The following ACSM3 variants were observed in gnomAD, a reference collection of about 807,000 sequenced individuals.
ACSM3 encodes the protein acyl-CoA synthetase medium chain family member 3, also known as acyl-coenzyme A synthetase ACSM3, mitochondrial.
ACSM3 carries 61 observed loss-of-function variants against 74.1 expected under a neutral mutation model. The ratio of observed to expected loss-of-function variants is 0.82; its 90% CI spans 0.67 to 1.02. ACSM3 has a LOEUF of 1.02. ACSM3 is among the 50% of genes least tolerant of loss of function. The pLI is 0.00. For synonymous variants in ACSM3, 213 were observed against 241.5 expected (o/e 0.88, Z 1.09); for missense variants, 660 against 697.0 (o/e 0.95, Z 0.60).
Position 20,775,888 on chromosome 16 carries a change from G to A in ACSM3, c.269G>A (p.Gly90Glu). 6 of 1,614,134 alleles carry A rather than the reference G, an allele frequency of 3.7e-6. No individual in the cohort carries two copies. The highest frequency in any genetic ancestry group is 5.1e-6 in the Non-Finnish European group (6 of 1,180,026). Residue 90 changes from glycine to glutamate, a missense_variant, in exon 3 of 14, where the codon GGA (glycine) becomes GAA (glutamate). Physicochemically the swap from Gly to Glu is moderately conservative, Grantham distance 98. Transcript: ENST00000289416. ...NPAFWWINRN[G>E]EEMRWSFEEL... ...GCCTTCTGGTGGATCAACAGAAATG[G>A]AGAAGAGATGCGATGGAGTTTTGAG...
intron 1 of ACSM3, among the ~76,000 whole-genome samples, chr16:20,746,482 G>A (rs1889838063): frequency 6.6e-6 from 1 of 152,176 alleles, no homozygotes; most frequent in African/African-American, 2.4e-5. Flanking sequence ...GAATTTAAAA[G>A]TATATATAGC....
intron 1 of ACSM3, among the ~76,000 whole-genome samples, chr16:20,765,472 G>A (rs2080115712): frequency 6.6e-6 from 1 of 152,090 alleles, no homozygotes; most frequent in African/African-American, 2.4e-5. Flanking sequence ...TTCTGAATGT[G>A]GTGTAGAGTA....
intron 12 of ACSM3, among the ~76,000 whole-genome samples, chr16:20,794,031 G>C (rs2080664849): frequency 6.6e-6 from 1 of 152,186 alleles, no homozygotes; most frequent in African/African-American, 2.4e-5. Flanking sequence ...AGTGTGGCCA[G>C]TTTTCCAACA....
chr16:20,700,644 A>C lies in ACSM3; in HGVS notation c.-190+25822A>C, dbSNP rs568934396. On this transcript the variant is annotated intron_variant, in intron 1 of 3. Coordinates refer to the ACSM3 transcript ENST00000561584. Reference sequence around the variant, plus strand: ...ACAAGCAGGAGACATGCCATTAAGGATCTTTATGGACATAATAAGGAGTTT... The same window carrying C: ...ACAAGCAGGAGACATGCCATTAAGGCTCTTTATGGACATAATAAGGAGTTT... Among the ~76,000 whole-genome samples the C allele has an allele frequency of 3.3e-3, 508 of 151,942 alleles. 3 individuals carry two copies. The highest frequency in any genetic ancestry group is 0.014 in the Middle Eastern group (4 of 292).
chr16:20,775,147 G>T (rs558146894), intron 2 of ACSM3, among the ~76,000 whole-genome samples: 1 of 152,090 alleles, frequency 6.6e-6, no homozygotes, highest in Admixed American at 6.5e-5. Flanking sequence ...CTACGGGAAC[G>T]TGTGGGGATG....
intron 1 of ACSM3, among the ~76,000 whole-genome samples, chr16:20,700,894 T>C (rs1291028739): frequency 6.6e-6 from 1 of 152,098 alleles, no homozygotes; most frequent in Non-Finnish European, 1.5e-5. Flanking sequence ...AGAATGGATG[T>C]GGGGATGCCA....
chr16:20,682,289 C>G lies in ACSM3; in HGVS notation c.-190+7467C>G, dbSNP rs146861278. On this transcript the variant is annotated intron_variant, in intron 1 of 3. Coordinates refer to the ACSM3 transcript ENST00000561584. ...CGATCGGAAGTCCAGCCACCCTTCACGGCTGTGATCAGACACCAGGAGCTT... is the reference window on the plus strand; with the variant it reads ...CGATCGGAAGTCCAGCCACCCTTCAGGGCTGTGATCAGACACCAGGAGCTT... 2.2e-5 allele frequency: 36 copies of G among 1,613,504 alleles called. No individual in the cohort carries two copies. The African/African-American group carries it at 4.3e-4, about 19-fold the overall frequency.
At chr16:20,720,347 G>A (rs1348303618) in intron 1 of ACSM3, among the ~76,000 whole-genome samples, 1 of 152,142 alleles carries the variant, frequency 6.6e-6, no homozygotes, top group Non-Finnish European at 1.5e-5. Context: ...CAGACTATCA[G>A]GCATTAGATT....
chr16:20,752,185 G>C (rs2079993961), intron 2 of ACSM3, among the ~76,000 whole-genome samples: 1 of 151,680 alleles, frequency 6.6e-6, no homozygotes, highest in South Asian at 2.1e-4. Flanking sequence ...GCGAGACTCT[G>C]TCTCACAAAA....
At chr16:20,709,526 G>T (rs1371395662) in intron 1 of ACSM3, among the ~76,000 whole-genome samples, 1 of 152,186 alleles carries the variant, frequency 6.6e-6, no homozygotes, top group Non-Finnish European at 1.5e-5. Context: ...CCTGAAGCTA[G>T]AGGTCAACCT....
intron 1 of ACSM3, among the ~76,000 whole-genome samples, chr16:20,702,477 T>A (rs1312829297): frequency 6.6e-6 from 1 of 152,170 alleles, no homozygotes; most frequent in Non-Finnish European, 1.5e-5. Flanking sequence ...CTCCCAAATG[T>A]TTCCTGACTT....
chr16:20,741,817 G>C (rs549447999), intron 1 of ACSM3: 21 of 1,542,064 alleles, frequency 1.4e-5, no homozygotes, highest in Non-Finnish European at 1.8e-5. Context: ...GCGCGAACTG[G>C]TGACGTCGGA....
chr16:20,787,123 G>T (rs1363750981), intron 9 of ACSM3, among the ~76,000 whole-genome samples: 1 of 152,172 alleles, frequency 6.6e-6, no homozygotes, highest in Non-Finnish European at 1.5e-5. Flanking sequence ...TTCAAAGCTG[G>T]GTGTAGCCAA....
chr16:20,727,490 T>C (rs1027964657), intron 1 of ACSM3: 9 of 390,966 alleles, frequency 2.3e-5, no homozygotes, highest in South Asian at 4.4e-5. Context: ...GCAACATTTA[T>C]GTTTAGTATA....
intron 2 of ACSM3, 105 bp downstream of exon 2, chr16:20,770,358 G>T: frequency 1.0e-6 from 1 of 989,678 alleles, no homozygotes; most frequent in Non-Finnish European, 1.5e-6. Flanking sequence ...CATGATAGGG[G>T]CAGAGGCAGT....
chr16:20,742,813 A>ATATATATATATATATATTTT (rs61582869), intron 1 of ACSM3, among the ~76,000 whole-genome samples: 2 of 66,816 alleles, frequency 3.0e-5, no homozygotes, highest in African/African-American at 8.6e-5. Flanking sequence ...ATATATATAT[A>ATATATATATATATATATTTT]TTTTTTTTTT....
intron 1 of ACSM3, among the ~76,000 whole-genome samples, chr16:20,715,746 G>A (rs2079759474): frequency 6.6e-6 from 1 of 152,124 alleles, no homozygotes; most frequent in Non-Finnish European, 1.5e-5. Context: ...CGATACACCA[G>A]TTTCAAAAAT....
chr16:20,743,393 C>T (rs543024412), intron 1 of ACSM3, among the ~76,000 whole-genome samples: 1 of 152,132 alleles, frequency 6.6e-6, no homozygotes, highest in African/African-American at 2.4e-5. Context: ...ATGCTGCTTT[C>T]GTTGCGGCCT....
intron 1 of ACSM3, chr16:20,728,460 C>G (rs1049614790): frequency 1.5e-6 from 2 of 1,314,358 alleles, no homozygotes; most frequent in Non-Finnish European, 2.2e-6. Context: ...AAAGTCTACA[C>G]AGCCCTTCTG....
Sources: gnomAD v4.1 joint callset for allele counts (sites outside exome capture counted in the v4.1 genomes callset) on GRCh38, gnomAD v4.1.1 for gene constraint, MANE v1.5 for transcripts, NCBI Gene and HGNC (gene_info 2026-07-23, HGNC 2026-07-21) for gene names.